IGSF9B: variants seen among roughly 807,000 people sequenced by gnomAD.
IGSF9B encodes immunoglobulin superfamily member 9B, also known as protein turtle homolog B.
In IGSF9B, 48 loss-of-function variants were observed where a neutral mutation model predicts 143.7. The ratio of observed to expected loss-of-function variants is 0.33; its 90% CI spans 0.26 to 0.42. The LOEUF (loss-of-function observed/expected upper bound fraction) is 0.42. Among genes scored for constraint, IGSF9B ranks in the 20% least tolerant of loss-of-function variants. The probability of loss-of-function intolerance (pLI) is 1.00; values close to 1 mark genes in which losing one functional copy is unlikely to be tolerated. For synonymous variants in IGSF9B, 903 were observed against 833.1 expected (o/e 1.08, Z -1.44); for missense variants, 1,706 against 1,980.0 (o/e 0.86, Z 2.63).
chr11:133,919,013 G>C (rs1591710199), intron 18 of IGSF9B: 1 of 488,764 alleles, frequency 2.0e-6, no homozygotes, highest in African/African-American at 2.0e-5. Flanking sequence ...CAGGCGTCCA[G>C]GCCCTGGTAC....
Position 133,920,194 on chromosome 11 carries a change from G to T in IGSF9B, c.3531C>A (p.Pro1177=). 2 of 1,513,774 alleles carry T rather than the reference G, an allele frequency of 1.3e-6. No individual in the cohort carries two copies. The highest frequency in any genetic ancestry group is 8.8e-7 in the Non-Finnish European group (1 of 1,131,428). The allele number at this position is 1,513,774 out of a possible 1,614,324, so 93.8% of individuals were successfully genotyped here. Residue 1177 remains proline, a synonymous_variant, in exon 18 of 20, where the codon CCC becomes CCA. Transcript: ENST00000533871. The part of the protein sequence containing the change: ...DTRWYEPQPR[P]RPSPRQARRA... The stretch of plus-strand genomic sequence containing the variant: ...GCCTGGCCTGCCGAGGGCTAGGCCG[G>T]GGCCGGGGCTGGGGCTCATACCACC...
rs1939151431 is a variant in IGSF9B at position 133,902,448 on chromosome 11, GAC to G, written c.*6619_*6620del. ...CACACCACACCACACACACCACCCA[GAC>G]ACACCACACACAGATACACACACCA... On this transcript the variant is annotated 3_prime_UTR_variant, in exon 20 of 20. Coordinates refer to ENST00000533871, the MANE Select transcript of IGSF9B (RefSeq NM_001277285.4). 7.8e-6 allele frequency among the ~76,000 whole-genome samples: 1 copy of G among 127,424 alleles called. No homozygotes were observed. Among genetic ancestry groups the G allele is most frequent in the Non-Finnish European group, 1.6e-5 (1 of 61,342 alleles). 83.6% of individuals were successfully genotyped at this position (127,424 alleles called of 152,430 possible).
At position 133,920,271 on chromosome 11, in the gene IGSF9B, G is replaced by T; in HGVS notation, c.3454C>A (p.Pro1152Thr). ...CCGCCGTGCGCCCCCGGCTCAGCCG[G>T]CTCGGGGTAAGGCAGCACAGGTATG... is the stretch of plus-strand genomic sequence containing the variant. ...MGIPVLPYPE[P>T]AEPGAHGGPS... is the part of the protein sequence containing the mutation. The change falls in exon 18 of 20, where the codon CCG becomes ACG. Residue 1152 changes from proline (P) to threonine (T), a missense_variant. By Grantham distance (38) the Pro-to-Thr change is conservative (BLOSUM62 -1). This residue lies in a region of IGSF9B where 880 missense variants were observed against 762.9 expected (regional missense o/e 1.15). Transcript: ENST00000533871. The T allele has an allele frequency of 6.6e-7, 1 of 1,521,466 alleles. No homozygotes were observed. Among genetic ancestry groups the T allele is most frequent in the Non-Finnish European group, 8.8e-7 (1 of 1,134,590 alleles). The allele number at this position is 1,521,466 out of a possible 1,614,324, so 94.2% of individuals were successfully genotyped here. A position where few individuals can be genotyped will look rare whatever the true frequency, so the allele number is the denominator to read the frequency against.
intron 2 of IGSF9B, 67 bp from the exon 3 acceptor site, chr11:133,944,433 GC>G: frequency 1.3e-6 from 2 of 1,527,942 alleles, no homozygotes; most frequent in East Asian, 2.3e-5. Flanking sequence ...CCCGCCCCCT[GC>G]CCCAGCTAAA....
chr11:133,932,331 A>AGCAG, intron 7 of IGSF9B, 118 bp from the exon 8 acceptor site: 1 of 1,062,652 alleles, frequency 9.4e-7, no homozygotes, highest in Non-Finnish European at 1.4e-6. Context: ...CAGGTGGGAG[A>AGCAG]GCAGACAGAC....
rs1413396869 is a variant in IGSF9B at position 133,901,525 on chromosome 11, C to G, written c.*7544G>C. The G allele has an allele frequency of 6.6e-6, 1 of 152,298 alleles. No homozygotes were observed. Among genetic ancestry groups the G allele is most frequent in the Non-Finnish European group, 1.5e-5 (1 of 68,042 alleles). The allele number at this position is 152,298 out of a possible 1,614,324, so 9.4% of individuals were successfully genotyped here. On this transcript the variant is annotated 3_prime_UTR_variant, in exon 20 of 20. Transcript: ENST00000533871. Reference sequence around the variant, plus strand: ...CCTCCCGCTCCCCACACCCGAGTGCCACTCGCCCGAAGCTCCCAGTCTCCA... The same window carrying G: ...CCTCCCGCTCCCCACACCCGAGTGCGACTCGCCCGAAGCTCCCAGTCTCCA...
chr11:133,910,119 T>C (rs2121267623), intron 19 of IGSF9B, among the ~76,000 whole-genome samples: 3 of 152,292 alleles, frequency 2.0e-5, no homozygotes, highest in Admixed American at 2.0e-4. Flanking sequence ...GCAGGGCATC[T>C]AGGAGCTTGA....
chr11:133,936,827 G>C (rs893427993), intron 5 of IGSF9B, among the ~76,000 whole-genome samples: 1 of 152,182 alleles, frequency 6.6e-6, no homozygotes. Flanking sequence ...TTCAGCACAG[G>C]GTAGAGACCC....
intron 19 of IGSF9B, 131 bp downstream of exon 19, chr11:133,911,755 T>C (rs1565414198): frequency 1.5e-6 from 1 of 685,886 alleles, no homozygotes. Flanking sequence ...GCTTGTGGAT[T>C]CAATTCTAGA....
At chr11:133,939,921 G>A (rs1258102706) in intron 3 of IGSF9B, among the ~76,000 whole-genome samples, 7 of 146,910 alleles carry the variant, frequency 4.8e-5, no homozygotes, top group African/African-American at 1.3e-4. Context: ...GCACATCCTC[G>A]CACGCGTCAT....
chr11:133,920,735 G>A lies in IGSF9B; in HGVS notation c.2990C>T (p.Ser997Leu), dbSNP rs779972982. Residue 997 changes from serine to leucine, a missense_variant, in exon 18 of 20, where the codon TCG becomes TTG. Physicochemically the swap from Ser to Leu is moderately radical, Grantham distance 145. Around this residue, in one of 7 missense-constraint regions of IGSF9B, gnomAD observed 880 missense variants for 762.9 expected, o/e 1.15. Coordinates refer to ENST00000533871, the MANE Select transcript of IGSF9B (RefSeq NM_001277285.4). ...CCCCTCGGTGGGCAGGGGCGGGGAC[G>A]ACATGACGGAGCTCAGGGGGCTGCC... ...EVGSPLSSVM[S>L]SPPLPTEGPF... The A allele has an allele frequency of 1.2e-5, 20 of 1,612,916 alleles. No homozygotes were observed. The highest frequency in any genetic ancestry group is 3.3e-5 in the Admixed American group (2 of 60,000).
In IGSF9B at chr11:133,913,350, A is replaced by G. The variant is rs1343691922; in HGVS notation, c.3984-1343T>C. ...TAAAAAAAAAAATGTTAAGAGGGATAGGAAGCCTGCAGTCTCTTCTCCCCA... is the reference window on the plus strand; with the variant it reads ...TAAAAAAAAAAATGTTAAGAGGGATGGGAAGCCTGCAGTCTCTTCTCCCCA... On this transcript the variant is annotated intron_variant, in intron 18 of 19. Transcript: ENST00000533871. The surrounding 1 kb of genome is among the most constrained non-coding windows in gnomAD (Gnocchi z 4.6). 1.3e-5 allele frequency among the ~76,000 whole-genome samples: 2 copies of G among 152,148 alleles called. No individual in the cohort carries two copies. Among genetic ancestry groups the G allele is most frequent in the Non-Finnish European group, 2.9e-5 (2 of 68,022 alleles).
Position 133,900,202 on chromosome 11 carries a change from G to A in IGSF9B, c.*8867C>T, listed in dbSNP as rs1939096352. 6.6e-6 allele frequency: 1 copy of A among 152,630 alleles called. No individual in the cohort carries two copies. The highest frequency in any genetic ancestry group is 2.4e-5 in the African/African-American group (1 of 41,426). 9.5% of individuals were successfully genotyped at this position (152,630 alleles called of 1,614,324 possible). The stretch of plus-strand genomic sequence containing the variant: ...TAAGGACCAAACTCTATAGACAAGA[G>A]CTCTTAGGGAGTGCCATGTCTTGGT... On this transcript the variant is annotated 3_prime_UTR_variant, in exon 20 of 20. Transcript: ENST00000533871.
intron 17 of IGSF9B, among the ~76,000 whole-genome samples, chr11:133,921,906 AG>A (rs890725846): frequency 1.6e-4 from 25 of 152,216 alleles, no homozygotes; most frequent in Non-Finnish European, 2.9e-4. Flanking sequence ...ATACATTCCA[AG>A]GCTGAAGAGA....
At chr11:133,939,665 A>G (rs1275738358) in intron 3 of IGSF9B, among the ~76,000 whole-genome samples, 1 of 152,276 alleles carries the variant, frequency 6.6e-6, no homozygotes, top group Non-Finnish European at 1.5e-5. Context: ...GTGCAAGCGC[A>G]GCAGGGGCGC....
Position 133,908,248 on chromosome 11 carries a change from C to T in IGSF9B, c.*821G>A, listed in dbSNP as rs1939241362. 6.6e-6 allele frequency among the ~76,000 whole-genome samples: 1 copy of T among 152,176 alleles called. No homozygotes were observed. Among genetic ancestry groups the T allele is most frequent in the African/African-American group, 2.4e-5 (1 of 41,464 alleles). On this transcript the variant is annotated 3_prime_UTR_variant, in exon 20 of 20. Transcript: ENST00000533871. The stretch of plus-strand genomic sequence containing the variant: ...CGCTGGAAGGAAGAAAGATGCAGGT[C>T]TAGGAGCCTGGCCACCCCTTCTTCA...
At position 133,900,707 on chromosome 11, in the gene IGSF9B, T is replaced by C. The variant is rs563645510; in HGVS notation, c.*8362A>G. On this transcript the variant is annotated 3_prime_UTR_variant, in exon 20 of 20. Coordinates refer to ENST00000533871, the MANE Select transcript of IGSF9B (RefSeq NM_001277285.4). ...ATTTGCAATGGCACTTTATTTCCAA[T>C]TAAAAATAACTGAAAAAAACATAGA... 5.4e-4 allele frequency: 82 copies of C among 152,434 alleles called. No individual in the cohort carries two copies. The highest frequency in any genetic ancestry group is 3.4e-3 in the Middle Eastern group (1 of 294). 9.4% of individuals were successfully genotyped at this position (152,434 alleles called of 1,614,324 possible). A position where few individuals can be genotyped will look rare whatever the true frequency, so the allele number is the denominator to read the frequency against.
intron 17 of IGSF9B, among the ~76,000 whole-genome samples, chr11:133,921,642 A>G (rs1379301745): frequency 6.6e-6 from 1 of 151,660 alleles, no homozygotes; most frequent in Non-Finnish European, 1.5e-5. Flanking sequence ...GCCTCAAGCA[A>G]TCCTCCTGCC....
Position 133,919,676 on chromosome 11 carries a change from C to A in IGSF9B, c.3983+66G>T, listed in dbSNP as rs901040919. The A allele has an allele frequency of 9.6e-6, 10 of 1,045,666 alleles. No homozygotes were observed. In the African/African-American group the frequency reaches 1.5e-4, roughly 15 times the overall value. 64.8% of individuals were successfully genotyped at this position (1,045,666 alleles called of 1,614,324 possible). On this transcript the variant is annotated intron_variant, in intron 18 of 19. Coordinates refer to ENST00000533871, the MANE Select transcript of IGSF9B (RefSeq NM_001277285.4). ...CCGGGCGGATGGACGGGGTGGAGGG[C>A]AGGGCGAGGCGGGTGGGGGAAGGAA...
Sources: allele counts gnomAD v4.1 joint callset (sites outside exome capture counted in the v4.1 genomes callset), GRCh38; gene constraint gnomAD v4.1.1; regional missense constraint gnomAD v4.1.1; non-coding constraint Gnocchi (gnomAD v3.1); transcripts MANE v1.5; gene names NCBI Gene and HGNC (gene_info 2026-07-23, HGNC 2026-07-21).